Variants in FAM110B observed in about 807,000 individuals in gnomAD.
FAM110B encodes the protein protein FAM110B.
A neutral mutation model predicts 20.4 loss-of-function variants in FAM110B; 6 were observed. The ratio of observed to expected loss-of-function variants is 0.29; its 90% confidence interval spans 0.16 to 0.58. The LOEUF (loss-of-function observed/expected upper bound fraction) is 0.58, where lower values mean the gene tolerates loss of function less well. Among genes scored for constraint, FAM110B ranks in the 20% least tolerant of loss-of-function variants. The pLI is 0.90. For synonymous variants in FAM110B, 226 were observed against 214.1 expected (o/e 1.06, Z -0.49); for missense variants, 434 against 498.2 (o/e 0.87, Z 1.23).
At chr8:58,043,886 GTA>G (rs1052969436) in intron 2 of FAM110B, among the ~76,000 whole-genome samples, 1 of 152,216 alleles carries the variant, frequency 6.6e-6, no homozygotes, top group Non-Finnish European at 1.5e-5. Context: ...AGCTAATAAA[GTA>G]GTGAAGCAGG....
chr8:58,107,527 T>TGCA (rs1452219495), intron 3 of FAM110B, among the ~76,000 whole-genome samples: 1 of 152,256 alleles, frequency 6.6e-6, no homozygotes, highest in Non-Finnish European at 1.5e-5. Context: ...TTTTGTAGTA[T>TGCA]GCATGCAGAA....
At chr8:58,055,704 A>G (rs528845373) in intron 2 of FAM110B, among the ~76,000 whole-genome samples, 1 of 152,328 alleles carries the variant, frequency 6.6e-6, no homozygotes, top group Non-Finnish European at 1.5e-5. Context: ...CAAATGAAGC[A>G]TCCTCTTGTA....
intron 3 of FAM110B, among the ~76,000 whole-genome samples, chr8:58,123,205 A>G (rs997303856): frequency 2.0e-5 from 3 of 152,118 alleles, no homozygotes; most frequent in Non-Finnish European, 4.4e-5. Flanking sequence ...CCTCACTGCC[A>G]TATTAGGGTG....
At position 58,003,887 on chromosome 8, in the gene FAM110B, C is replaced by A. The variant is rs139097660; in HGVS notation, c.-512+9081C>A. Among the ~76,000 whole-genome samples the A allele has an allele frequency of 1.4e-4, 21 of 152,298 alleles. 1 individual carries two copies. In the East Asian group the frequency reaches 4.0e-3, roughly 29 times the overall value. ...AACTTCAAGTTACCAACTGCATTAGCTTCTAATGAGAGAGTCAGCCTGTCT... is the reference window on the plus strand; with the variant it reads ...AACTTCAAGTTACCAACTGCATTAGATTCTAATGAGAGAGTCAGCCTGTCT... On this transcript the variant is annotated intron_variant, in intron 1 of 3. Transcript: ENST00000519262.
chr8:58,110,991 C>T (rs1585894988), intron 3 of FAM110B, among the ~76,000 whole-genome samples: 1 of 152,058 alleles, frequency 6.6e-6, no homozygotes, highest in South Asian at 2.1e-4. Flanking sequence ...CTCAAGATAG[C>T]GTTATTTTTA....
intron 1 of FAM110B, among the ~76,000 whole-genome samples, chr8:58,020,456 A>G (rs1213855598): frequency 2.0e-5 from 3 of 152,246 alleles, no homozygotes; most frequent in Non-Finnish European, 4.4e-5. Flanking sequence ...CTCTCTTCTT[A>G]ATGGAGATAA....
At chr8:58,031,913 C>G (rs749022970) in intron 2 of FAM110B, among the ~76,000 whole-genome samples, 6 of 152,120 alleles carry the variant, frequency 3.9e-5, no homozygotes, top group Non-Finnish European at 7.4e-5. Context: ...CTTTTGTGGA[C>G]TCTGCCCTGT....
intron 3 of FAM110B, among the ~76,000 whole-genome samples, chr8:58,112,185 T>C (rs1479994997): frequency 6.6e-6 from 1 of 152,074 alleles, no homozygotes; most frequent in Non-Finnish European, 1.5e-5. Flanking sequence ...AAAAATTAGC[T>C]GGGCATGATG....
Position 58,147,026 on chromosome 8 carries a change from A to G in FAM110B, c.796A>G (p.Arg266Gly), listed in dbSNP as rs758743192. The G allele has an allele frequency of 2.5e-6, 4 of 1,614,224 alleles. No homozygotes were observed. Among genetic ancestry groups the G allele is most frequent in the Non-Finnish European group, 2.5e-6 (3 of 1,180,036 alleles). Residue 266 changes from arginine (R) to glycine (G), a missense_variant, in exon 4 of 4, where the codon AGA becomes GGA. Transcript: ENST00000519262. The part of the protein sequence containing the change: ...LQRSKSDLSD[R>G]YFRVDADVER... ...GCGGTCTAAGTCAGACTTGAGTGAC[A>G]GATATTTCCGAGTGGACGCGGACGT...
intron 3 of FAM110B, among the ~76,000 whole-genome samples, chr8:58,118,913 T>C (rs1386167900): frequency 6.6e-6 from 1 of 152,206 alleles, no homozygotes; most frequent in Non-Finnish European, 1.5e-5. Context: ...CATTTTTAGA[T>C]TCTTGTTTTA....
intron 3 of FAM110B, among the ~76,000 whole-genome samples, chr8:58,119,763 A>T (rs1807307655): frequency 6.6e-6 from 1 of 152,132 alleles, no homozygotes; most frequent in Admixed American, 6.5e-5. Context: ...GTGGAAAGAG[A>T]GTATATGACC....
chr8:58,107,441 G>C (rs1490151743), intron 3 of FAM110B, among the ~76,000 whole-genome samples: 1 of 152,166 alleles, frequency 6.6e-6, no homozygotes, highest in Admixed American at 6.5e-5. Context: ...TTTAGTGACA[G>C]TTCTAGTCTC....
At chr8:58,092,932 C>T (rs1184826929) in intron 3 of FAM110B, among the ~76,000 whole-genome samples, 2 of 152,072 alleles carry the variant, frequency 1.3e-5, no homozygotes, top group Non-Finnish European at 2.9e-5. Flanking sequence ...TTTAAATGAT[C>T]GCCATTCTAA....
intron 1 of FAM110B, among the ~76,000 whole-genome samples, chr8:58,028,218 G>A (rs907134466): frequency 3.3e-5 from 5 of 152,078 alleles, no homozygotes; most frequent in South Asian, 2.1e-4. Flanking sequence ...ATTCTGCTGC[G>A]TCAGCCTCCC....
chr8:58,110,284 T>C (rs1432033308), intron 3 of FAM110B, among the ~76,000 whole-genome samples: 1 of 152,220 alleles, frequency 6.6e-6, no homozygotes, highest in Non-Finnish European at 1.5e-5. Context: ...CAGAAAGTAC[T>C]ACTAAATGCT....
intron 1 of FAM110B, among the ~76,000 whole-genome samples, chr8:58,012,052 C>G (rs1585809920): frequency 6.6e-6 from 1 of 152,154 alleles, no homozygotes; most frequent in East Asian, 1.9e-4. Context: ...CTAGTGTACT[C>G]TGCACTTTAC....
intron 3 of FAM110B, among the ~76,000 whole-genome samples, chr8:58,135,306 A>G (rs1803584418): frequency 6.6e-6 from 1 of 152,226 alleles, no homozygotes; most frequent in African/African-American, 2.4e-5. Context: ...GCCTAATAAG[A>G]AATGGTCATT....
chr8:58,052,811 A>G, intron 2 of FAM110B, among the ~76,000 whole-genome samples: 1 of 99,808 alleles, frequency 1.0e-5, no homozygotes, highest in Non-Finnish European at 1.8e-5. Context: ...TTTGAGACGG[A>G]GTCTCGCTCT....
intron 3 of FAM110B, among the ~76,000 whole-genome samples, chr8:58,077,736 C>G (rs1806073551): frequency 6.6e-6 from 1 of 152,294 alleles, no homozygotes; most frequent in South Asian, 2.1e-4. Context: ...CCAGAGAAGA[C>G]AGTGAGTTAC....
Sources: gnomAD v4.1 joint callset for allele counts (sites outside exome capture counted in the v4.1 genomes callset) on GRCh38, gnomAD v4.1.1 for gene constraint, MANE v1.5 for transcripts, NCBI Gene and HGNC (gene_info 2026-07-23, HGNC 2026-07-21) for gene names.